Variants in NOX4 observed in about 807,000 individuals in gnomAD.
NOX4 encodes the protein kidney oxidase-1.
NOX4 carries 69 observed loss-of-function variants against 87.6 expected under a neutral mutation model. The ratio of observed to expected loss-of-function variants is 0.79; its 90% CI spans 0.65 to 0.96. The LOEUF (loss-of-function observed/expected upper bound fraction) is 0.96, where lower values mean the gene tolerates loss of function less well. NOX4 is among the 40% of genes least tolerant of loss of function. The pLI is 0.00. For synonymous variants in NOX4, 275 were observed against 238.2 expected (o/e 1.15, Z -1.42); for missense variants, 680 against 681.5 (o/e 1.00, Z 0.02).
intron 13 of NOX4, among the ~76,000 whole-genome samples, chr11:89,347,041 C>G (rs1336585768): frequency 6.6e-6 from 1 of 151,974 alleles, no homozygotes; most frequent in Admixed American, 6.6e-5. Context: ...TCCAGGTATT[C>G]GAATTTCACA....
chr11:89,361,428 A>G (rs1213555853), intron 12 of NOX4, among the ~76,000 whole-genome samples: 1 of 152,054 alleles, frequency 6.6e-6, no homozygotes, highest in East Asian at 1.9e-4. Context: ...CATAAGAAAG[A>G]TATAATGAAT....
chr11:89,455,719 CATATATAT>C (rs60864771), intron 2 of NOX4, among the ~76,000 whole-genome samples: 3,314 of 141,034 alleles, frequency 0.023, 174 homozygotes, highest in African/African-American at 0.084. Context: ...AAGATGAAGT[CATATATAT>C]ATATATATAT....
At chr11:89,559,243 C>T in the NOX4 span, among the ~76,000 whole-genome samples, 10 of 151,682 alleles carry the variant, frequency 6.6e-5, no homozygotes, top group African/African-American at 2.4e-4. Flanking sequence ...TATAACTGCA[C>T]AATTACAAAA....
intron 4 of NOX4, 60 bp from the exon 5 acceptor site, chr11:89,444,292 C>T: frequency 7.2e-7 from 1 of 1,380,622 alleles, no homozygotes; most frequent in East Asian, 2.3e-5. Context: ...ATGTCAAGGA[C>T]TCAGTTCTTC....
intron 11 of NOX4, among the ~76,000 whole-genome samples, chr11:89,381,701 C>G (rs960465053): frequency 6.6e-6 from 1 of 151,326 alleles, no homozygotes; most frequent in Non-Finnish European, 1.5e-5. Context: ...ATCGGGGGGA[C>G]CTCCCTTGGG....
the NOX4 span, among the ~76,000 whole-genome samples, chr11:89,543,170 A>C: frequency 6.6e-6 from 1 of 152,230 alleles, no homozygotes. Context: ...TACCCATGTA[A>C]CAAAACTTCA....
chr11:89,522,932 CACTT>C, the NOX4 span, among the ~76,000 whole-genome samples: 3 of 152,276 alleles, frequency 2.0e-5, no homozygotes, highest in East Asian at 5.8e-4. Context: ...GTTTCACCAT[CACTT>C]ACAACAAACT....
intron 2 of NOX4, among the ~76,000 whole-genome samples, chr11:89,459,984 C>T (rs989087035): frequency 2.6e-5 from 4 of 152,124 alleles, no homozygotes; most frequent in Non-Finnish European, 4.4e-5. Flanking sequence ...TGGAACAGAA[C>T]AGAGCCCTCA....
chr11:89,416,932 G>A (rs1217371293), intron 8 of NOX4, among the ~76,000 whole-genome samples: 1 of 152,138 alleles, frequency 6.6e-6, no homozygotes, highest in African/African-American at 2.4e-5. Flanking sequence ...AAGTGCAGCA[G>A]AGCTAGCACA....
At chr11:89,560,996 C>CTCTCTCTCTCTATATA in the NOX4 span, among the ~76,000 whole-genome samples, 6 of 40,820 alleles carry the variant, frequency 1.5e-4, no homozygotes, top group African/African-American at 6.6e-4. Context: ...CTCTCTCTCT[C>CTCTCTCTCTCTATATA]TATATATATA....
At chr11:89,422,598 G>A (rs1943138976) in intron 7 of NOX4, among the ~76,000 whole-genome samples, 1 of 151,880 alleles carries the variant, frequency 6.6e-6, no homozygotes, top group African/African-American at 2.4e-5. Context: ...TATCCTGGGT[G>A]GATTTTATAT....
At chr11:89,514,080 C>T in the NOX4 span, among the ~76,000 whole-genome samples, 7 of 151,870 alleles carry the variant, frequency 4.6e-5, no homozygotes, top group Non-Finnish European at 8.8e-5. Context: ...CAGCACAGAA[C>T]GAAATAAGAC....
chr11:89,465,142 C>CT (rs1275122453), intron 2 of NOX4, among the ~76,000 whole-genome samples: 1 of 152,024 alleles, frequency 6.6e-6, no homozygotes, highest in African/African-American at 2.4e-5. Flanking sequence ...CTCCCCTAGC[C>CT]CCCCACCACC....
chr11:89,369,351 C>T (rs1470072575), intron 12 of NOX4, among the ~76,000 whole-genome samples: 1 of 151,988 alleles, frequency 6.6e-6, no homozygotes. Flanking sequence ...GGCTAAGTGG[C>T]AGGAGATAGA....
intron 17 of NOX4, among the ~76,000 whole-genome samples, chr11:89,330,991 C>G (rs1282856699): frequency 6.6e-6 from 1 of 151,908 alleles, no homozygotes; most frequent in Admixed American, 6.6e-5. Context: ...CCTATTGGAA[C>G]TAATTGGCAT....
chr11:89,389,549 T>C (rs1457930297), intron 11 of NOX4, among the ~76,000 whole-genome samples: 1 of 152,198 alleles, frequency 6.6e-6, no homozygotes, highest in Non-Finnish European at 1.5e-5. Context: ...ATTTCACCAC[T>C]TCACAATATT....
At chr11:89,448,799 C>T (rs1944822983) in intron 4 of NOX4, among the ~76,000 whole-genome samples, 1 of 152,090 alleles carries the variant, frequency 6.6e-6, no homozygotes, top group Non-Finnish European at 1.5e-5. Context: ...GGGAGGATGG[C>T]TTAAGCCTGG....
At chr11:89,526,802 A>C in the NOX4 span, among the ~76,000 whole-genome samples, 1 of 152,148 alleles carries the variant, frequency 6.6e-6, no homozygotes, top group Non-Finnish European at 1.5e-5. Context: ...TCTATAAATT[A>C]CCCAGTCCCA....
upstream of NOX4, among the ~76,000 whole-genome samples, chr11:89,493,463 G>A (rs1198451083): frequency 6.6e-6 from 1 of 151,894 alleles, no homozygotes; most frequent in Non-Finnish European, 1.5e-5. Flanking sequence ...AACTGGGTTT[G>A]CTTCCAATTA....
Sources: allele counts gnomAD v4.1 joint callset (sites outside exome capture counted in the v4.1 genomes callset), GRCh38; gene constraint gnomAD v4.1.1; transcripts MANE v1.5; gene names NCBI Gene and HGNC (gene_info 2026-07-23, HGNC 2026-07-21).